Variants in MTDH observed in about 807,000 individuals in gnomAD.
The protein encoded by MTDH is protein LYRIC.
Under a neutral mutation model 72.7 loss-of-function variants are expected in MTDH, and 34 were observed. The observed-to-expected ratio is 0.47, with a 90% confidence interval of 0.36 to 0.62. The LOEUF is 0.62. Among genes scored for constraint, MTDH ranks in the 20% least tolerant of loss-of-function variants. The probability of loss-of-function intolerance (pLI) is 0.00; values close to 1 mark genes in which losing one functional copy is unlikely to be tolerated. For missense variants in MTDH, 677 were observed against 699.4 expected, an observed-to-expected ratio of 0.97 and a Z score of 0.36; for synonymous variants, 266 against 268.9, an observed-to-expected ratio of 0.99 and a Z score of 0.10.
chr8:97,645,013 C>A, intron 1 of MTDH, 126 bp downstream of exon 1: 1 of 1,093,888 alleles, frequency 9.1e-7, no homozygotes, highest in Non-Finnish European at 1.2e-6. Context: ...AGAGGCAGCA[C>A]TCCCAAGTGG....
intron 11 of MTDH, among the ~76,000 whole-genome samples, chr8:97,724,034 G>A (rs1335312343): frequency 1.3e-5 from 2 of 152,180 alleles, no homozygotes; most frequent in East Asian, 1.9e-4. Flanking sequence ...GCTTGAACGC[G>A]GGAGGCGGAG....
chr8:97,705,959 G>T (rs376050672), intron 7 of MTDH, among the ~76,000 whole-genome samples: 36 of 152,334 alleles, frequency 2.4e-4, no homozygotes, highest in Middle Eastern at 3.4e-3. Flanking sequence ...GGATCTGGAA[G>T]TGTAGAATAA....
At position 97,657,635 on chromosome 8, in the gene MTDH, C is replaced by CCT. The variant is rs1219318789; in HGVS notation, c.382-3437_382-3436insCT. ...CCTCCCATTTCAGTCCCTCGAGTAG[C>CCT]TGGGACTACAGGGGCATGCCACCAC... is the stretch of plus-strand genomic sequence containing the variant. On this transcript the variant is annotated intron_variant, in intron 1 of 11. Coordinates refer to ENST00000336273, the MANE Select transcript of MTDH (RefSeq NM_178812.4). Among the ~76,000 whole-genome samples, 15 of 152,136 alleles carry CCT rather than the reference C, an allele frequency of 9.9e-5. No homozygotes were observed. The South Asian group carries it at 2.9e-3, about 30-fold the overall frequency.
intron 1 of MTDH, among the ~76,000 whole-genome samples, chr8:97,649,560 C>T (rs1188211427): frequency 6.6e-6 from 1 of 152,162 alleles, no homozygotes; most frequent in Non-Finnish European, 1.5e-5. Flanking sequence ...AATAATTCTG[C>T]TTAGCTAGAT....
intron 5 of MTDH, among the ~76,000 whole-genome samples, chr8:97,690,556 G>C (rs1481804777): frequency 6.6e-6 from 1 of 152,028 alleles, no homozygotes; most frequent in South Asian, 2.1e-4. Context: ...GAGGCTCCAG[G>C]GTCTATTGTT....
intron 7 of MTDH, among the ~76,000 whole-genome samples, chr8:97,700,809 T>C (rs929466900): frequency 2.0e-5 from 3 of 152,226 alleles, no homozygotes; most frequent in African/African-American, 7.2e-5. Context: ...CATACCTTGC[T>C]AGTCTGGCTC....
At chr8:97,664,212 T>C (rs1305761755) in intron 2 of MTDH, among the ~76,000 whole-genome samples, 1 of 150,448 alleles carries the variant, frequency 6.6e-6, no homozygotes, top group Non-Finnish European at 1.5e-5. Context: ...AAAAATTAGC[T>C]GGGCATGGTG....
At chr8:97,673,850 T>C (rs1228011816) in intron 2 of MTDH, among the ~76,000 whole-genome samples, 8 of 144,532 alleles carry the variant, frequency 5.5e-5, no homozygotes, top group Non-Finnish European at 1.1e-4. Flanking sequence ...TGGTGCATGC[T>C]TGTATTCCCA....
At chr8:97,697,150 A>ATATATATATATTTTTTTTTTTTTT in intron 6 of MTDH, among the ~76,000 whole-genome samples, 5 of 68,752 alleles carry the variant, frequency 7.3e-5, no homozygotes, top group Non-Finnish European at 9.8e-5. Context: ...ATATATATAT[A>ATATATATATATTTTTTTTTTTTTT]TTTTTTTTTT....
chr8:97,647,891 C>T (rs1291267502), intron 1 of MTDH, among the ~76,000 whole-genome samples: 5 of 150,534 alleles, frequency 3.3e-5, no homozygotes, highest in Non-Finnish European at 5.9e-5. Flanking sequence ...CTGTGATGAG[C>T]TATGATCAGG....
At position 97,708,581 on chromosome 8, in the gene MTDH, C is replaced by CTTT. The variant is rs1174573079; in HGVS notation, c.1272+1867_1272+1869dup. 1.3e-4 allele frequency among the ~76,000 whole-genome samples: 4 copies of CTTT among 30,258 alleles called. 1 individual carries two copies. Among genetic ancestry groups the CTTT allele is most frequent in the South Asian group, 1.5e-3 (1 of 680 alleles). 19.9% of individuals were successfully genotyped at this position (30,258 alleles called of 152,430 possible). A position where few individuals can be genotyped will look rare whatever the true frequency, so the allele number is the denominator to read the frequency against. On this transcript the variant is annotated intron_variant, in intron 8 of 11. Transcript: ENST00000336273. ...ACAGGCATGAGCCACCATGCCAGGC[C>CTTT]TTTTTTTTTTTTTTTTTTTTTTTTT...
At chr8:97,682,796 C>T (rs1390274653) in intron 2 of MTDH, among the ~76,000 whole-genome samples, 1 of 151,784 alleles carries the variant, frequency 6.6e-6, no homozygotes, top group Non-Finnish European at 1.5e-5. Flanking sequence ...TTAACAGACT[C>T]TTTTCACCTT....
chr8:97,703,760 T>C (rs1814233118), intron 7 of MTDH, among the ~76,000 whole-genome samples: 1 of 152,222 alleles, frequency 6.6e-6, no homozygotes, highest in Admixed American at 6.5e-5. Flanking sequence ...ACATGCCTTA[T>C]AGATTAGAAA....
chr8:97,682,245 TATATATATATATATATATATATATA>T (rs2130987013), intron 2 of MTDH, among the ~76,000 whole-genome samples: 1 of 12,138 alleles, frequency 8.2e-5, no homozygotes, highest in Non-Finnish European at 1.6e-4. Flanking sequence ...TATATATATA[TATATATATATATATATATATATATA>T]TATATATATA....
At position 97,690,968 on chromosome 8, in the gene MTDH, T is replaced by C; in HGVS notation, c.828T>C (p.Asn276=). Residue 276 remains asparagine, a synonymous_variant, in exon 6 of 12, where the codon AAT becomes AAC. Coordinates refer to ENST00000336273, the MANE Select transcript of MTDH (RefSeq NM_178812.4). ...DSTLQVSSGL[N]ENLTVNGGGW... The stretch of plus-strand genomic sequence containing the variant: ...TTCTTTAAGTTTCTTCAGGATTGAA[T>C]GAAAACCTCACTGTCAATGGAGGAG... The C allele has an allele frequency of 6.2e-7, 1 of 1,611,600 alleles. No individual in the cohort carries two copies. Among genetic ancestry groups the C allele is most frequent in the Non-Finnish European group, 8.5e-7 (1 of 1,178,798 alleles).
chr8:97,716,011 A>G (rs930529726), intron 9 of MTDH, among the ~76,000 whole-genome samples: 8 of 152,052 alleles, frequency 5.3e-5, no homozygotes, highest in Admixed American at 6.6e-5. Context: ...ACCTTGCACA[A>G]GTTACATAAT....
intron 1 of MTDH, among the ~76,000 whole-genome samples, chr8:97,652,390 AC>A (rs1296223034): frequency 1.6e-4 from 24 of 152,228 alleles, no homozygotes; most frequent in African/African-American, 5.8e-4. Flanking sequence ...TTTAGTTTTC[AC>A]CTTAAAAGTC....
intron 2 of MTDH, among the ~76,000 whole-genome samples, chr8:97,662,678 C>A (rs1394292390): frequency 6.6e-6 from 1 of 151,320 alleles, no homozygotes; most frequent in Non-Finnish European, 1.5e-5. Context: ...CCCAGCTACT[C>A]GGGAGGCTGA....
chr8:97,669,783 G>A (rs565843579), intron 2 of MTDH, among the ~76,000 whole-genome samples: 16 of 152,194 alleles, frequency 1.1e-4, no homozygotes, highest in African/African-American at 3.6e-4. Context: ...GGGCATGATG[G>A]CACACGCCTG....
Sources: gnomAD v4.1 joint callset for allele counts (sites outside exome capture counted in the v4.1 genomes callset) on GRCh38, gnomAD v4.1.1 for gene constraint, MANE v1.5 for transcripts, NCBI Gene and HGNC (gene_info 2026-07-23, HGNC 2026-07-21) for gene names.